Variants in DST observed in about 807,000 individuals in gnomAD.
The protein encoded by DST is dystonin.
A neutral mutation model predicts 875.2 loss-of-function variants in DST; 253 were observed. The observed-to-expected ratio is 0.29, with a 90% CI of 0.26 to 0.32. DST has a LOEUF of 0.32. DST is among the 10% of genes least tolerant of loss of function. DST has a pLI of 1.00. For missense variants in DST, 8,287 were observed against 9,111.6 expected (o/e 0.91, Z 3.68); for synonymous variants, 3,124 against 3,197.1 (o/e 0.98, Z 0.77).
At chr6:56,862,930 A>G (rs1326858411) in intron 3 of DST, 2 of 152,318 alleles carry the variant, frequency 1.3e-5, no homozygotes, top group Non-Finnish European at 2.9e-5. Flanking sequence ...AGTGGGTCCC[A>G]GTCAAGTCAT....
In DST at chr6:56,476,177, T is replaced by C; in HGVS notation, c.21836A>G (p.Glu7279Gly). Residue 7279 changes from glutamate (E) to glycine (G), a missense_variant, in exon 92 of 104, where the codon GAG becomes GGG. Physicochemically the swap from Glu to Gly is moderately conservative, Grantham distance 98. Around this residue, in one of 10 missense-constraint regions of DST, gnomAD observed 1,292 missense variants for 1,552.7 expected, o/e 0.83. Coordinates refer to ENST00000680361, the MANE Select transcript of DST (RefSeq NM_001374736.1). ...GTGTTCTGCAATGAGTGCTTTCACC[T>C]CTTCGATCTCCTGGGGGATGACTTC... ...DKEVIPQEIEEVKALIAEHQT... is the reference protein window; with the variant it reads ...DKEVIPQEIEGVKALIAEHQT... The C allele has an allele frequency of 6.2e-7, 1 of 1,611,988 alleles. No individual in the cohort carries two copies. Among genetic ancestry groups the C allele is most frequent in the East Asian group, 2.2e-5 (1 of 44,858 alleles).
chr6:56,907,382 T>C (rs1466790321), intron 2 of DST, among the ~76,000 whole-genome samples: 1 of 152,224 alleles, frequency 6.6e-6, no homozygotes, highest in Non-Finnish European at 1.5e-5. Flanking sequence ...AACCAGGCTG[T>C]TTGGTTGTGT....
At chr6:56,775,607 G>A (rs918642264) in intron 4 of DST, among the ~76,000 whole-genome samples, 2 of 152,104 alleles carry the variant, frequency 1.3e-5, no homozygotes, top group African/African-American at 4.8e-5. Context: ...TCAGGGCTAG[G>A]GCAGGAAATA....
At chr6:56,602,427 A>G (rs114296343) in intron 43 of DST, among the ~76,000 whole-genome samples, 96 of 152,108 alleles carry the variant, frequency 6.3e-4, no homozygotes, top group African/African-American at 2.2e-3. Flanking sequence ...CTAGGTGTGC[A>G]GTAAAGGATG....
intron 2 of DST, among the ~76,000 whole-genome samples, chr6:56,924,123 C>CA (rs1375564033): frequency 3.4e-4 from 52 of 150,742 alleles, no homozygotes; most frequent in African/African-American, 1.1e-3. Flanking sequence ...GCCACCATCT[C>CA]AAAAAAAAAC....
At chr6:56,720,316 T>C (rs898607773) in intron 5 of DST, among the ~76,000 whole-genome samples, 5 of 151,792 alleles carry the variant, frequency 3.3e-5, no homozygotes, top group African/African-American at 1.2e-4. Context: ...AGGTTATCTC[T>C]CTTATTCCCT....
At chr6:56,468,379 C>G (rs1207767505) in intron 98 of DST, among the ~76,000 whole-genome samples, 1 of 152,100 alleles carries the variant, frequency 6.6e-6, no homozygotes, top group African/African-American at 2.4e-5. Context: ...TATATTATAG[C>G]GATAACTTTC....
chr6:56,851,867 T>A, intron 3 of DST: 2 of 1,551,378 alleles, frequency 1.3e-6, no homozygotes, highest in Non-Finnish European at 1.7e-6. Flanking sequence ...ACGGAAGAAG[T>A]GTGTGGCCTG....
chr6:56,883,440 AC>A (rs1783148481), intron 3 of DST, among the ~76,000 whole-genome samples: 1 of 152,228 alleles, frequency 6.6e-6, no homozygotes, highest in Non-Finnish European at 1.5e-5. Context: ...TTAAAAGAAA[AC>A]AAGAAGTAAA....
chr6:56,946,394 A>G (rs1276766289), intron 2 of DST, among the ~76,000 whole-genome samples: 4 of 152,224 alleles, frequency 2.6e-5, no homozygotes, highest in Non-Finnish European at 5.9e-5. Flanking sequence ...ATAGAAGGTA[A>G]CAAAGAAGCT....
rs776655350 is a variant in DST at position 56,604,302 on chromosome 6, A to C, written c.10326T>G (p.Ser3442=). The C allele has an allele frequency of 6.2e-7, 1 of 1,612,266 alleles. No homozygotes were observed. The highest frequency in any genetic ancestry group is 8.5e-7 in the Non-Finnish European group (1 of 1,179,068). Residue 3442 remains serine, a synonymous_variant, in exon 40 of 104, where the codon TCT becomes TCG. Coordinates refer to ENST00000680361, the MANE Select transcript of DST (RefSeq NM_001374736.1). ...GCTTCAATATATTAAGGAGAAGCTC[A>C]GACTTAAGATTTCCAATACAGAAAG... The part of the protein sequence containing the change: ...DDPFCIGNLK[S]ELLLNILKQD...
chr6:56,748,403 T>C lies in DST; in HGVS notation c.626-13114A>G, dbSNP rs2099578481. ...TAGCAATTTCAGCTTGGGAAAATGA[T>C]TTAACTTCTGTGCAACTCAAGTTTT... On this transcript the variant is annotated intron_variant, in intron 4 of 103. Transcript: ENST00000680361. Among the ~76,000 whole-genome samples, 3 of 152,318 alleles carry C rather than the reference T, an allele frequency of 2.0e-5. No individual in the cohort carries two copies. The South Asian group carries it at 6.2e-4, about 32-fold the overall frequency.
Position 56,546,376 on chromosome 6 carries a change from ATATATATATATAT to A in DST, c.16608+5795_16608+5807del, listed in dbSNP as rs1383336674. 2.4e-4 allele frequency among the ~76,000 whole-genome samples: 33 copies of A among 137,646 alleles called. 1 individual carries two copies. The highest frequency in any genetic ancestry group is 1.2e-3 in the South Asian group (5 of 4,238). The allele number at this position is 137,646 out of a possible 152,430, so 90.3% of individuals were successfully genotyped here. ...TATATATATATATATATATATATAT[ATATATATATATAT>A]AAATGTCAAAAAGTTCATTTAAAGA... On this transcript the variant is annotated intron_variant, in intron 61 of 103. Transcript: ENST00000680361.
At position 56,735,147 on chromosome 6, in the gene DST, T is replaced by C; in HGVS notation, c.687+81A>G. 2.7e-5 allele frequency: 25 copies of C among 928,444 alleles called. No homozygotes were observed. In the South Asian group the frequency reaches 3.8e-4, roughly 14 times the overall value. 57.5% of individuals were successfully genotyped at this position (928,444 alleles called of 1,614,324 possible). On this transcript the variant is annotated intron_variant, in intron 5 of 103. Transcript: ENST00000680361. ...CAAGATGATTTTCAAAAGTTGTGCT[T>C]CAGAGCTATATAATCAATTACTGCA...
intron 82 of DST, among the ~76,000 whole-genome samples, chr6:56,495,469 T>TTATATTCCTC (rs1385612253): frequency 1.3e-5 from 2 of 151,996 alleles, no homozygotes; most frequent in African/African-American, 4.8e-5. Flanking sequence ...TTTCAAGTTC[T>TTATATTCCTC]TATATTCTTC....
chr6:56,705,083 A>C (rs1174314700), intron 5 of DST, among the ~76,000 whole-genome samples: 1 of 152,224 alleles, frequency 6.6e-6, no homozygotes, highest in Non-Finnish European at 1.5e-5. Context: ...AAACCATCAA[A>C]GATTTCCCAA....
intron 5 of DST, among the ~76,000 whole-genome samples, chr6:56,717,207 A>AAATG (rs1394117349): frequency 4.0e-5 from 6 of 151,354 alleles, no homozygotes; most frequent in Non-Finnish European, 7.4e-5. Context: ...ATAAATAAAT[A>AAATG]AATAAATAAA....
intron 77 of DST, among the ~76,000 whole-genome samples, chr6:56,505,801 G>A (rs980831475): frequency 1.3e-5 from 2 of 151,926 alleles, no homozygotes; most frequent in Admixed American, 1.3e-4. Context: ...AAATATACCC[G>A]AGTTGGCCTC....
At chr6:56,472,332 T>C (rs1237822081) in intron 93 of DST, 110 bp from the exon 94 acceptor site, 2 of 965,908 alleles carry the variant, frequency 2.1e-6, no homozygotes, top group East Asian at 5.3e-5. Flanking sequence ...ATTACGTGTT[T>C]ACGCAAGTAA....
Sources: allele counts gnomAD v4.1 joint callset (sites outside exome capture counted in the v4.1 genomes callset), GRCh38; gene constraint gnomAD v4.1.1; regional missense constraint gnomAD v4.1.1; transcripts MANE v1.5; gene names NCBI Gene and HGNC (gene_info 2026-07-23, HGNC 2026-07-21).